Variants in PIGN observed in about 807,000 individuals in gnomAD.
The protein encoded by PIGN is phosphatidylinositol glycan anchor biosynthesis class N.
PIGN carries 117 observed loss-of-function variants against 125.4 expected under a neutral mutation model. The ratio of observed to expected loss-of-function variants is 0.93; its 90% CI spans 0.80 to 1.09. PIGN has a LOEUF of 1.09. Ranked by LOEUF, PIGN falls within the 50% of genes least tolerant of loss-of-function variation. PIGN has a pLI of 0.00. For missense variants in PIGN, 1,075 were observed against 1,094.9 expected, an observed-to-expected ratio of 0.98 and a Z score of 0.26; for synonymous variants, 392 against 377.8, an observed-to-expected ratio of 1.04 and a Z score of -0.44.
chr18:62,157,205 C>G lies in PIGN; in HGVS notation c.366G>C (p.Glu122Asp), dbSNP rs995354792. 5.0e-6 allele frequency: 8 copies of G among 1,605,746 alleles called. No individual in the cohort carries two copies. Among genetic ancestry groups the G allele is most frequent in the Admixed American group, 3.4e-5 (2 of 59,598 alleles). Reference protein sequence around the residue: ...VAKGWKENPVEFDSLFNESKY... With the variant: ...VAKGWKENPVDFDSLFNESKY... ...TACTTTCATTAAAAAGAGAATCAAACTCTACAGGATTTTCCTTCCATCCTT... is the reference window on the plus strand; with the variant it reads ...TACTTTCATTAAAAAGAGAATCAAAGTCTACAGGATTTTCCTTCCATCCTT... The change falls in exon 6 of 31, where the codon GAG becomes GAC. Residue 122 changes from glutamate (E) to aspartate (D), a missense_variant. Coordinates refer to ENST00000640252, the MANE Select transcript of PIGN (RefSeq NM_176787.5).
chr18:62,159,920 T>C (rs2036882680), intron 4 of PIGN, among the ~76,000 whole-genome samples: 1 of 152,190 alleles, frequency 6.6e-6, no homozygotes, highest in Non-Finnish European at 1.5e-5. Flanking sequence ...AAGACCATCC[T>C]GGCTAACACG....
intron 1 of PIGN, among the ~76,000 whole-genome samples, chr18:62,165,057 A>G (rs1371634627): frequency 6.6e-6 from 1 of 152,190 alleles, no homozygotes; most frequent in Non-Finnish European, 1.5e-5. Context: ...TGTTTAGGTC[A>G]CACGGTTGGA....
chr18:62,028,005 T>C (rs79396226), intron 23 of PIGN, among the ~76,000 whole-genome samples: 2,153 of 152,286 alleles, frequency 0.014, 45 homozygotes, highest in African/African-American at 0.049. Context: ...CTTTTCCCTA[T>C]CAGCATACAG....
chr18:62,050,188 T>C (rs1373336460), intron 30 of PIGN, among the ~76,000 whole-genome samples: 1 of 152,192 alleles, frequency 6.6e-6, no homozygotes, highest in Non-Finnish European at 1.5e-5. Context: ...TGCGGGCTCC[T>C]TTTTGGTTCC....
Position 62,114,560 on chromosome 18 carries a change from CCACTT to C in PIGN, c.1247_1251del (p.Glu416GlyfsTer22), listed in dbSNP as rs1444518753. Reference sequence around the variant, plus strand: ...TATGTCTATAAGGCCGGTATACTTACCACTTCATCAAACTTTCTGTGTTTTATATA... The same window carrying C: ...TATGTCTATAAGGCCGGTATACTTACCATCAAACTTTCTGTGTTTTATATA... On this transcript the variant is annotated frameshift_variant and splice_region_variant, in exon 15 of 31. Transcript: ENST00000640252. LOFTEE classifies it high-confidence loss of function. The C allele has an allele frequency of 1.7e-5, 25 of 1,495,250 alleles. No individual in the cohort carries two copies. Among genetic ancestry groups the C allele is most frequent in the Non-Finnish European group, 2.3e-5 (25 of 1,095,592 alleles). 92.6% of individuals were successfully genotyped at this position (1,495,250 alleles called of 1,614,324 possible).
chr18:62,152,258 T>C (rs1425459603), intron 7 of PIGN, among the ~76,000 whole-genome samples: 2 of 152,168 alleles, frequency 1.3e-5, no homozygotes, highest in African/African-American at 2.4e-5. Flanking sequence ...CTTCAGATAG[T>C]AGGCTTCAGA....
intron 17 of PIGN, 106 bp from the exon 18 acceptor site, chr18:62,107,191 G>T: frequency 1.4e-6 from 1 of 728,386 alleles, no homozygotes; most frequent in Non-Finnish European, 2.4e-6. Flanking sequence ...TCCATTTATA[G>T]ATTATTCAAA....
intron 7 of PIGN, among the ~76,000 whole-genome samples, chr18:62,152,074 C>T (rs1410209720): frequency 1.3e-5 from 2 of 152,008 alleles, no homozygotes; most frequent in African/African-American, 4.8e-5. Flanking sequence ...TTAAGGAATA[C>T]ATTGGTTTGG....
chr18:62,159,986 G>A lies in PIGN; in HGVS notation c.221+1147C>T, dbSNP rs145907107. Among the ~76,000 whole-genome samples the A allele has an allele frequency of 0.017, 2,582 of 152,204 alleles. 149 individuals are homozygous for A. In the East Asian group the frequency reaches 0.18, roughly 11 times the overall value. ...AAATTAGCCGGGTGTGGTGGCGGGCGCCTGTAGTCCCAGCTACTCGGGAGG... is the reference window on the plus strand; with the variant it reads ...AAATTAGCCGGGTGTGGTGGCGGGCACCTGTAGTCCCAGCTACTCGGGAGG... On this transcript the variant is annotated intron_variant, in intron 4 of 30. Coordinates refer to ENST00000640252, the MANE Select transcript of PIGN (RefSeq NM_176787.5).
intron 30 of PIGN, among the ~76,000 whole-genome samples, chr18:62,066,279 T>C (rs905826837): frequency 2.0e-5 from 3 of 152,152 alleles, no homozygotes; most frequent in Non-Finnish European, 4.4e-5. Flanking sequence ...CATTCACAAG[T>C]GCATCCTTTA....
At chr18:62,147,142 G>A (rs752206596) in intron 8 of PIGN, 41 bp from the exon 9 acceptor site, 9 of 1,545,428 alleles carry the variant, frequency 5.8e-6, no homozygotes, top group Non-Finnish European at 7.9e-6. Context: ...AATTAATTTG[G>A]AGAAATCAAA....
chr18:62,097,790 T>C (rs1024084506), intron 22 of PIGN, among the ~76,000 whole-genome samples: 1 of 152,006 alleles, frequency 6.6e-6, no homozygotes, highest in Non-Finnish European at 1.5e-5. Flanking sequence ...CAGGAATGAC[T>C]TCACCATGCA....
chr18:62,115,551 T>C (rs758800993), intron 14 of PIGN, among the ~76,000 whole-genome samples: 13 of 151,932 alleles, frequency 8.6e-5, no homozygotes, highest in Non-Finnish European at 1.9e-4. Flanking sequence ...CAACTGCACA[T>C]GGGTCGACAT....
intron 14 of PIGN, among the ~76,000 whole-genome samples, chr18:62,126,366 A>G (rs1044403775): frequency 3.3e-5 from 5 of 152,090 alleles, no homozygotes; most frequent in Non-Finnish European, 7.4e-5. Context: ...AGTTTATGTC[A>G]TTTTTCTAAA....
chr18:62,155,863 T>C (rs924337984), intron 6 of PIGN, among the ~76,000 whole-genome samples: 2 of 152,204 alleles, frequency 1.3e-5, no homozygotes, highest in African/African-American at 4.8e-5. Context: ...CGAAACTGCT[T>C]TCCAAAGAAG....
chr18:62,123,125 A>G (rs1024930266), intron 14 of PIGN, among the ~76,000 whole-genome samples: 1 of 152,160 alleles, frequency 6.6e-6, no homozygotes, highest in Non-Finnish European at 1.5e-5. Flanking sequence ...CTGTTGTCCT[A>G]GCTACTCAGA....
intron 18 of PIGN, 52 bp from the exon 19 acceptor site, chr18:62,106,933 T>C (rs974625164): frequency 6.5e-7 from 1 of 1,536,522 alleles, no homozygotes; most frequent in Non-Finnish European, 8.9e-7. Context: ...TTAATACTAG[T>C]TACAAATATA....
intron 1 of PIGN, among the ~76,000 whole-genome samples, chr18:62,166,641 C>T (rs997207661): frequency 2.0e-5 from 3 of 152,148 alleles, no homozygotes; most frequent in Non-Finnish European, 2.9e-5. Context: ...ACAGCAAAGA[C>T]TTGAACCAAC....
intron 23 of PIGN, among the ~76,000 whole-genome samples, chr18:62,025,140 G>A (rs1029580823): frequency 3.3e-5 from 5 of 152,140 alleles, no homozygotes; most frequent in African/African-American, 1.2e-4. Flanking sequence ...TGAATAAATG[G>A]AGACACATCA....
Sources: allele counts gnomAD v4.1 joint callset (sites outside exome capture counted in the v4.1 genomes callset), GRCh38; gene constraint gnomAD v4.1.1; transcripts MANE v1.5; gene names NCBI Gene and HGNC (gene_info 2026-07-23, HGNC 2026-07-21).